Variants in UBE3B observed in about 807,000 individuals in gnomAD.
UBE3B encodes the protein ubiquitin protein ligase E3B.
A neutral mutation model predicts 132.3 loss-of-function variants in UBE3B; 80 were observed. The ratio of observed to expected loss-of-function variants is 0.60; its 90% CI spans 0.50 to 0.73. The LOEUF (loss-of-function observed/expected upper bound fraction) is 0.73, where lower values mean the gene tolerates loss of function less well. Ranked by LOEUF, UBE3B falls within the 30% of genes least tolerant of loss-of-function variation. UBE3B has a pLI of 0.00. For synonymous variants in UBE3B, 487 were observed against 520.4 expected (o/e 0.94, Z 0.87); for missense variants, 1,196 against 1,362.5 (o/e 0.88, Z 1.92).
At chr12:109,518,333 G>C (rs557117455) in intron 19 of UBE3B, among the ~76,000 whole-genome samples, 16 of 152,252 alleles carry the variant, frequency 1.1e-4, no homozygotes, top group Non-Finnish European at 2.1e-4. Flanking sequence ...GACGAGGTGG[G>C]CTCCATAACG....
chr12:109,514,902 C>T (rs553708669), intron 18 of UBE3B, among the ~76,000 whole-genome samples: 205 of 152,076 alleles, frequency 1.3e-3, no homozygotes, highest in African/African-American at 4.8e-3. Flanking sequence ...TCAGTACCAT[C>T]CCCTTTCTTC....
In UBE3B at chr12:109,481,672, T is replaced by A. The variant is rs1220685559; in HGVS notation, c.-92T>A. ...AAGCTTTTCTGAAGTGAGAAGCTGT[T>A]CTCAGCCACGAGTCCTGTGCAAGAT... On this transcript the variant is annotated 5_prime_UTR_variant, in exon 2 of 28. Transcript: ENST00000342494. 1.3e-5 allele frequency: 2 copies of A among 152,206 alleles called. No homozygotes were observed. The highest frequency in any genetic ancestry group is 2.9e-5 in the Non-Finnish European group (2 of 68,034). The allele number at this position is 152,206 out of a possible 1,614,324, so 9.4% of individuals were successfully genotyped here.
intron 26 of UBE3B, among the ~76,000 whole-genome samples, chr12:109,532,010 G>A (rs1418720906): frequency 6.6e-6 from 1 of 152,032 alleles, no homozygotes; most frequent in African/African-American, 2.4e-5. Context: ...CCTTGCCCAG[G>A]AGTGGATGTG....
In UBE3B at chr12:109,534,849, T is replaced by G. The variant is rs1883301024; in HGVS notation, c.*67T>G. The G allele has an allele frequency of 3.7e-6, 5 of 1,366,920 alleles. No individual in the cohort carries two copies. The South Asian group carries it at 7.3e-5, about 20-fold the overall frequency. The allele number at this position is 1,366,920 out of a possible 1,614,324, so 84.7% of individuals were successfully genotyped here. A position where few individuals can be genotyped will look rare whatever the true frequency, so the allele number is the denominator to read the frequency against. On this transcript the variant is annotated 3_prime_UTR_variant, in exon 28 of 28. Coordinates refer to ENST00000342494, the MANE Select transcript of UBE3B (RefSeq NM_130466.4). This position sits in a 1 kb window ranked among gnomAD's most constrained non-coding sequence, Gnocchi z 5.2. ...GGACCTTCAGCTCCCAGAGGCAGTG[T>G]GGTCCTGGGAATGTGACCAACATGC...
At chr12:109,504,972 A>ATT (rs376210471) in intron 14 of UBE3B, among the ~76,000 whole-genome samples, 9 of 149,082 alleles carry the variant, frequency 6.0e-5, no homozygotes, top group African/African-American at 2.2e-4. Context: ...TGCCCGGCTA[A>ATT]TTTTTTTTTT....
chr12:109,536,465 A>C lies in UBE3B; in HGVS notation c.*1683A>C, dbSNP rs981666889. The C allele has an allele frequency of 2.4e-4, 36 of 149,036 alleles. No individual in the cohort carries two copies. The highest frequency in any genetic ancestry group is 8.6e-4 in the African/African-American group (34 of 39,682). The allele number at this position is 149,036 out of a possible 1,614,324, so 9.2% of individuals were successfully genotyped here. ...GGGAGAGAGTGATTTATAAGCACCA[A>C]TATCAACTTCATGTGGATTTTTGAC... On this transcript the variant is annotated 3_prime_UTR_variant, in exon 28 of 28. Coordinates refer to ENST00000342494, the MANE Select transcript of UBE3B (RefSeq NM_130466.4).
rs906818741 is a variant in UBE3B, at chr12:109,535,830, C to G, written c.*1048C>G. The G allele has an allele frequency of 3.3e-5, 5 of 151,966 alleles. No individual in the cohort carries two copies. Among genetic ancestry groups the G allele is most frequent in the South Asian group, 4.1e-4 (2 of 4,828 alleles). The allele number at this position is 151,966 out of a possible 1,614,324, so 9.4% of individuals were successfully genotyped here. On this transcript the variant is annotated 3_prime_UTR_variant, in exon 28 of 28. Transcript: ENST00000342494. ...GGTTTTTTGTTTTTTTTTTAAACTTCATTTCTCTTCCAACCCATTGTGTTC... is the reference window on the plus strand; with the variant it reads ...GGTTTTTTGTTTTTTTTTTAAACTTGATTTCTCTTCCAACCCATTGTGTTC...
In UBE3B at chr12:109,521,370, G is replaced by A; in HGVS notation, c.2253+46G>A. The A allele has an allele frequency of 1.2e-6, 2 of 1,604,666 alleles. No homozygotes were observed. The highest frequency in any genetic ancestry group is 1.7e-6 in the Non-Finnish European group (2 of 1,172,216). Reference sequence around the variant, plus strand: ...CAGGGCTGACAGCAGCCAGATTCAAGAAGTGAAGAGCTGGGCTTGCTCCTT... The same window carrying A: ...CAGGGCTGACAGCAGCCAGATTCAAAAAGTGAAGAGCTGGGCTTGCTCCTT... On this transcript the variant is annotated intron_variant, in intron 20 of 27. Transcript: ENST00000342494. The surrounding 1 kb of genome is among the most constrained non-coding windows in gnomAD (Gnocchi z 4.2).
At position 109,522,430 on chromosome 12, in the gene UBE3B, G is replaced by A. The variant is rs1881826435; in HGVS notation, c.2364+879G>A. Reference sequence around the variant, plus strand: ...TTTCCCAGGAGGAAGGAAAGCTGCAGCACAAGCCCAGCCAGTCTGTGTGGC... The same window carrying A: ...TTTCCCAGGAGGAAGGAAAGCTGCAACACAAGCCCAGCCAGTCTGTGTGGC... On this transcript the variant is annotated intron_variant, in intron 21 of 27. Transcript: ENST00000342494. This position sits in a 1 kb window ranked among gnomAD's most constrained non-coding sequence, Gnocchi z 4.2. Among the ~76,000 whole-genome samples the A allele has an allele frequency of 6.6e-6, 1 of 152,194 alleles. No homozygotes were observed. Among genetic ancestry groups the A allele is most frequent in the African/African-American group, 2.4e-5 (1 of 41,448 alleles).
At chr12:109,508,760 G>A (rs1879990153) in intron 15 of UBE3B, 7 of 983,756 alleles carry the variant, frequency 7.1e-6, no homozygotes, top group South Asian at 4.7e-5. Flanking sequence ...ATGGAGCAGT[G>A]TTAGGAAATG....
intron 9 of UBE3B, among the ~76,000 whole-genome samples, chr12:109,494,744 G>A (rs1406202770): frequency 6.6e-6 from 1 of 152,118 alleles, no homozygotes; most frequent in Non-Finnish European, 1.5e-5. Flanking sequence ...GGTTTTTTGA[G>A]TCTGGCCTCA....
chr12:109,483,563 G>T lies in UBE3B; in HGVS notation c.12G>T (p.Leu4=). 3.2e-6 allele frequency: 5 copies of T among 1,584,636 alleles called. No individual in the cohort carries two copies. The highest frequency in any genetic ancestry group is 2.2e-5 in the East Asian group (1 of 44,706). The change falls in exon 3 of 28, where the codon CTG becomes CTT. Residue 4 remains leucine, a synonymous_variant. Coordinates refer to ENST00000342494, the MANE Select transcript of UBE3B (RefSeq NM_130466.4). MFT[L]SQTSRAWFID... is the part of the protein sequence containing the mutation. ...GCAAGTTTGCAAACATGTTCACCCTGTCTCAGACCTCGAGAGCATGGTTCA... is the reference window on the plus strand; with the variant it reads ...GCAAGTTTGCAAACATGTTCACCCTTTCTCAGACCTCGAGAGCATGGTTCA...
chr12:109,521,579 TA>T lies in UBE3B; in HGVS notation c.2364+32del. On this transcript the variant is annotated intron_variant, in intron 21 of 27. Coordinates refer to ENST00000342494, the MANE Select transcript of UBE3B (RefSeq NM_130466.4). The surrounding 1 kb of genome is among the most constrained non-coding windows in gnomAD (Gnocchi z 4.2). Reference sequence around the variant, plus strand: ...AGGAACGTTAAGAAACAGAGAAATGTAAAATAAAATGTTAACGGTACCATGG... The same window carrying T: ...AGGAACGTTAAGAAACAGAGAAATGTAAATAAAATGTTAACGGTACCATGG... The T allele has an allele frequency of 6.6e-7, 1 of 1,517,980 alleles. No homozygotes were observed. Among genetic ancestry groups the T allele is most frequent in the Non-Finnish European group, 8.9e-7 (1 of 1,128,122 alleles). 94.0% of individuals were successfully genotyped at this position (1,517,980 alleles called of 1,614,324 possible). A position where few individuals can be genotyped will look rare whatever the true frequency, so the allele number is the denominator to read the frequency against.
At position 109,534,569 on chromosome 12, in the gene UBE3B, A is replaced by G. The variant is rs1265442015; in HGVS notation, c.3016-22A>G. The G allele has an allele frequency of 1.3e-6, 2 of 1,583,314 alleles. No individual in the cohort carries two copies. The highest frequency in any genetic ancestry group is 1.7e-6 in the Non-Finnish European group (2 of 1,164,876). On this transcript the variant is annotated intron_variant, in intron 27 of 27. Transcript: ENST00000342494. The surrounding 1 kb of genome is among the most constrained non-coding windows in gnomAD (Gnocchi z 5.2). ...CCCAAACTAGGCCCTTCCCAATTCA[A>G]GGCCACGATGTGTGCCTTCAGGACA...
Position 109,486,066 on chromosome 12 carries a change from C to A in UBE3B, c.337C>A (p.Pro113Thr). 6.4e-7 allele frequency: 1 copy of A among 1,557,218 alleles called. No homozygotes were observed. The highest frequency in any genetic ancestry group is 8.7e-7 in the Non-Finnish European group (1 of 1,149,936). ...GAGCAGCATGGATGCTGAGAATGAG[C>A]CTAAGGTAAGTGGACGGGAGCCGCA... ...ILSSMDAENE[P>T]KVWYVSLACS... Residue 113 changes from proline to threonine, a missense_variant, in exon 5 of 28, where the codon CCT becomes ACT. Pro to Thr is a conservative substitution (Grantham distance 38). Coordinates refer to ENST00000342494, the MANE Select transcript of UBE3B (RefSeq NM_130466.4).
At chr12:109,496,248 C>A (rs193250109) in intron 9 of UBE3B, among the ~76,000 whole-genome samples, 76 of 152,352 alleles carry the variant, frequency 5.0e-4, no homozygotes, top group African/African-American at 1.8e-3. Context: ...ATCAGTACTT[C>A]ATGCATTTTA....
chr12:109,512,155 G>A (rs1566098678), intron 18 of UBE3B, among the ~76,000 whole-genome samples: 1 of 152,160 alleles, frequency 6.6e-6, no homozygotes, highest in African/African-American at 2.4e-5. Context: ...AGGAGCTTGT[G>A]TGGGGAGAGC....
At chr12:109,495,942 A>T (rs370465245) in intron 9 of UBE3B, among the ~76,000 whole-genome samples, 10 of 152,196 alleles carry the variant, frequency 6.6e-5, no homozygotes, top group Admixed American at 2.0e-4. Flanking sequence ...GATTTTGTTT[A>T]TGGCCAGTTT....
Position 109,507,533 on chromosome 12 carries a change from T to A in UBE3B, c.1451-31T>A, listed in dbSNP as rs151329540. The A allele has an allele frequency of 1.6e-4, 261 of 1,600,544 alleles. 1 individual carries two copies. The African/African-American group carries it at 3.3e-3, about 20-fold the overall frequency. ...TAACAGACCAGGTGGAGTCTCCACC[T>A]GAAGCTTGGGTTTCTCTGTGTTTTT... On this transcript the variant is annotated intron_variant, in intron 14 of 27. Transcript: ENST00000342494.
Sources: gnomAD v4.1 joint callset for allele counts (sites outside exome capture counted in the v4.1 genomes callset) on GRCh38, gnomAD v4.1.1 for gene constraint, Gnocchi (gnomAD v3.1) non-coding constraint, MANE v1.5 for transcripts, NCBI Gene and HGNC (gene_info 2026-07-23, HGNC 2026-07-21) for gene names.